The following FHIT variants were observed in gnomAD, a reference collection of about 807,000 sequenced individuals.
FHIT encodes the protein bis(5'-adenosyl)-triphosphatase.
A neutral mutation model predicts 17.9 loss-of-function variants in FHIT; 19 were observed. The observed-to-expected ratio is 1.06, with a 90% CI of 0.74 to 1.56. The LOEUF is 1.56. Ranked by LOEUF, FHIT falls within the 40% of genes most tolerant of loss-of-function variation. The probability of loss-of-function intolerance (pLI) is 0.00; values close to 1 mark genes in which losing one functional copy is unlikely to be tolerated. For missense variants in FHIT, 248 were observed against 189.2 expected, an observed-to-expected ratio of 1.31 and a Z score of -1.82; for synonymous variants, 81 against 69.7, an observed-to-expected ratio of 1.16 and a Z score of -0.81.
At chr3:60,116,351 G>A (rs186986463) in intron 5 of FHIT, among the ~76,000 whole-genome samples, 7 of 152,252 alleles carry the variant, frequency 4.6e-5, no homozygotes, top group Admixed American at 3.3e-4. Context: ...CCCATCTCAT[G>A]GAACAGTGGC....
At chr3:60,134,129 A>G (rs1457503532) in intron 5 of FHIT, among the ~76,000 whole-genome samples, 6 of 152,178 alleles carry the variant, frequency 3.9e-5, no homozygotes, top group Admixed American at 2.6e-4. Context: ...GGACAGAAGT[A>G]CTACTCAGTC....
In FHIT at chr3:60,859,058, C is replaced by T. The variant is rs144651792; in HGVS notation, c.-110-37047G>A. Among the ~76,000 whole-genome samples, 36 of 152,250 alleles carry T rather than the reference C, an allele frequency of 2.4e-4. No individual in the cohort carries two copies. In the East Asian group the frequency reaches 3.5e-3, roughly 15 times the overall value. ...AGCTCTTTAGGAAGAATTGTTTTAG[C>T]GGCTCTGGAAGTCTAGAACATTCTG... On this transcript the variant is annotated intron_variant, in intron 3 of 9. Transcript: ENST00000492590.
chr3:60,955,633 T>TATATATATATATACACACAC (rs1272864632), intron 3 of FHIT, among the ~76,000 whole-genome samples: 4 of 39,516 alleles, frequency 1.0e-4, no homozygotes, highest in African/African-American at 3.2e-4. Context: ...TATATATATA[T>TATATATATATATACACACAC]ACACACACAC....
At chr3:60,004,089 C>T (rs946597681) in intron 7 of FHIT, among the ~76,000 whole-genome samples, 1 of 151,960 alleles carries the variant, frequency 6.6e-6, no homozygotes, top group African/African-American at 2.4e-5. Context: ...AGTGAGTAAC[C>T]GGCCTTACTA....
chr3:60,893,288 T>C (rs1705609915), intron 3 of FHIT, among the ~76,000 whole-genome samples: 1 of 152,164 alleles, frequency 6.6e-6, no homozygotes, highest in South Asian at 2.1e-4. Context: ...TCAAACCTAG[T>C]ATAAAAGCAC....
chr3:60,220,220 G>C (rs1044275147), intron 5 of FHIT, among the ~76,000 whole-genome samples: 2 of 152,070 alleles, frequency 1.3e-5, no homozygotes, highest in African/African-American at 4.8e-5. Flanking sequence ...AAAATGTTTG[G>C]TTTTGGGAAC....
chr3:60,879,564 A>G (rs933008254), intron 3 of FHIT, among the ~76,000 whole-genome samples: 3 of 152,212 alleles, frequency 2.0e-5, no homozygotes, highest in Non-Finnish European at 4.4e-5. Context: ...CTAGTAACAA[A>G]CCCTAATGAC....
chr3:60,846,061 T>C (rs1183366033), intron 3 of FHIT, among the ~76,000 whole-genome samples: 1 of 152,200 alleles, frequency 6.6e-6, no homozygotes, highest in Admixed American at 6.5e-5. Flanking sequence ...TCTATATAGA[T>C]AGATTGCCCA....
chr3:60,136,323 A>G (rs1393540853), intron 5 of FHIT, among the ~76,000 whole-genome samples: 1 of 152,200 alleles, frequency 6.6e-6, no homozygotes, highest in Non-Finnish European at 1.5e-5. Context: ...TAACAGAGCC[A>G]AGGGCTATAT....
chr3:60,600,147 T>C (rs1177615370), intron 4 of FHIT, among the ~76,000 whole-genome samples: 1 of 152,164 alleles, frequency 6.6e-6, no homozygotes. Flanking sequence ...AGTAATCTCA[T>C]GGCCATGGCC....
intron 8 of FHIT, among the ~76,000 whole-genome samples, chr3:59,869,484 C>CTTTTTTGTTTTTTTTT (rs1702813189): frequency 9.5e-6 from 1 of 105,488 alleles, no homozygotes; most frequent in African/African-American, 4.1e-5. Context: ...AAAGAACATC[C>CTTTTTTGTTTTTTTTT]TTTTTTTTTT....
intron 8 of FHIT, among the ~76,000 whole-genome samples, chr3:59,892,699 AC>A (rs1163205252): frequency 6.6e-6 from 1 of 152,188 alleles, no homozygotes; most frequent in East Asian, 1.9e-4. Context: ...TAAAGGAAAA[AC>A]AATCTTAATT....
intron 5 of FHIT, among the ~76,000 whole-genome samples, chr3:60,456,430 A>G (rs1252257091): frequency 6.6e-6 from 1 of 152,198 alleles, no homozygotes; most frequent in East Asian, 1.9e-4. Context: ...TCACTTCTGC[A>G]AGGTCACACT....
At chr3:60,447,169 G>A (rs2107353738) in intron 5 of FHIT, among the ~76,000 whole-genome samples, 1 of 152,106 alleles carries the variant, frequency 6.6e-6, no homozygotes, top group Admixed American at 6.6e-5. Context: ...CCTGATTTCT[G>A]GGTCTCTTGG....
At chr3:61,027,804 C>A (rs1007695936) in intron 3 of FHIT, among the ~76,000 whole-genome samples, 1 of 152,170 alleles carries the variant, frequency 6.6e-6, no homozygotes, top group Non-Finnish European at 1.5e-5. Context: ...AATCTACTGG[C>A]TATCCAGGAT....
At chr3:61,184,404 G>A (rs1324927247) in intron 2 of FHIT, among the ~76,000 whole-genome samples, 2 of 152,096 alleles carry the variant, frequency 1.3e-5, no homozygotes, top group African/African-American at 4.8e-5. Flanking sequence ...GGAGGCTGAA[G>A]CCAACCAAAG....
At chr3:61,151,086 T>A (rs2037373052) in intron 2 of FHIT, among the ~76,000 whole-genome samples, 1 of 152,258 alleles carries the variant, frequency 6.6e-6, no homozygotes, top group East Asian at 1.9e-4. Context: ...TGTTTCTCAG[T>A]CTTACAGTGA....
intron 5 of FHIT, among the ~76,000 whole-genome samples, chr3:60,080,024 CAATCTGGGTTAAT>C: frequency 6.6e-6 from 1 of 152,064 alleles, no homozygotes; most frequent in South Asian, 2.1e-4. Flanking sequence ...GTTGAAAACT[CAATCTGGGTTAAT>C]TTACAAATAA....
chr3:60,037,270 C>T (rs1287635106), intron 5 of FHIT, among the ~76,000 whole-genome samples: 1 of 152,078 alleles, frequency 6.6e-6, no homozygotes, highest in Non-Finnish European at 1.5e-5. Flanking sequence ...AAAATACATA[C>T]ATAATGCTTC....
Sources: allele counts gnomAD v4.1 joint callset (sites outside exome capture counted in the v4.1 genomes callset), GRCh38; gene constraint gnomAD v4.1.1; transcripts MANE v1.5; gene names NCBI Gene and HGNC (gene_info 2026-07-23, HGNC 2026-07-21).